COLEC10: variants seen among roughly 807,000 people sequenced by gnomAD.
The protein encoded by COLEC10 is collectin subfamily member 10, also known as collectin-10.
In COLEC10, 22 loss-of-function variants were observed where a neutral mutation model predicts 28.4. The ratio of observed to expected loss-of-function variants is 0.78; its 90% confidence interval spans 0.55 to 1.11. The LOEUF (loss-of-function observed/expected upper bound fraction) is 1.11. Ranked by LOEUF, COLEC10 falls within the 50% of genes least tolerant of loss-of-function variation. The probability of loss-of-function intolerance (pLI) is 0.00; values close to 1 mark genes in which losing one functional copy is unlikely to be tolerated. For synonymous variants in COLEC10, 125 were observed against 116.1 expected (o/e 1.08, Z -0.49); for missense variants, 361 against 344.1 (o/e 1.05, Z -0.39).
chr8:119,028,972 AAATGT>A (rs1325265338), intron 2 of COLEC10, among the ~76,000 whole-genome samples: 1 of 152,186 alleles, frequency 6.6e-6, no homozygotes, highest in Non-Finnish European at 1.5e-5. Context: ...GAATAAAGGG[AAATGT>A]GGCTCCAGCT....
chr8:118,989,961 G>A, the COLEC10 span, among the ~76,000 whole-genome samples: 2 of 152,036 alleles, frequency 1.3e-5, no homozygotes, highest in Non-Finnish European at 2.9e-5. Context: ...AAAAGTTTTG[G>A]ATTTTGGAGC....
rs1449877650 is a variant in COLEC10 at position 119,108,426 on chromosome 8, T to G, written c.*2235T>G. Reference sequence around the variant, plus strand: ...CTGTTAGTGCTATTATTATTTACTGTGAATGTTATAATAATAGTTCTCTCA... The same window carrying G: ...CTGTTAGTGCTATTATTATTTACTGGGAATGTTATAATAATAGTTCTCTCA... On this transcript the variant is annotated 3_prime_UTR_variant, in exon 6 of 6. Transcript: ENST00000332843. 1.3e-5 allele frequency among the ~76,000 whole-genome samples: 2 copies of G among 152,188 alleles called. No homozygotes were observed. Among genetic ancestry groups the G allele is most frequent in the Non-Finnish European group, 2.9e-5 (2 of 68,032 alleles).
chr8:118,967,858 A>G, the COLEC10 span, among the ~76,000 whole-genome samples: 1 of 152,020 alleles, frequency 6.6e-6, no homozygotes, highest in Non-Finnish European at 1.5e-5. Context: ...CTTTAATGGC[A>G]TTAGTAAAAC....
chr8:119,030,835 T>C (rs939515036), intron 2 of COLEC10, among the ~76,000 whole-genome samples: 4 of 152,206 alleles, frequency 2.6e-5, no homozygotes, highest in Non-Finnish European at 5.9e-5. Context: ...CCCCTTAAAA[T>C]TCTGAGATAT....
Position 119,102,094 on chromosome 8 carries a change from G to C in COLEC10, c.293-254G>C, listed in dbSNP as rs143283392. On this transcript the variant is annotated intron_variant, in intron 3 of 5. Coordinates refer to ENST00000332843, the MANE Select transcript of COLEC10 (RefSeq NM_006438.5). ...ATGACTCATTTAATTAGTTGCACCT[G>C]TGTAGCCAATTGAAAATCACATTAT... 0.012 allele frequency among the ~76,000 whole-genome samples: 1,763 copies of C among 152,188 alleles called. 14 individuals are homozygous for C. The highest frequency in any genetic ancestry group is 0.017 in the Non-Finnish European group (1,134 of 68,002).
At chr8:119,097,013 A>C (rs1815732469) in intron 3 of COLEC10, among the ~76,000 whole-genome samples, 1 of 152,144 alleles carries the variant, frequency 6.6e-6, no homozygotes, top group African/African-American at 2.4e-5. Flanking sequence ...TATTCTATAC[A>C]GAAAAAAACT....
intron 2 of COLEC10, among the ~76,000 whole-genome samples, chr8:119,040,269 A>T (rs945211714): frequency 5.3e-5 from 8 of 152,182 alleles, no homozygotes; most frequent in Admixed American, 5.2e-4. Context: ...TACGACTTTA[A>T]TTTGAGTCTT....
At chr8:119,067,520 T>G in intron 1 of COLEC10, 91 bp downstream of exon 1, 13 of 1,201,626 alleles carry the variant, frequency 1.1e-5, no homozygotes, top group South Asian at 1.5e-5. Context: ...TGACTTTCTC[T>G]TCTCTCCTCC....
chr8:119,074,942 G>T lies in COLEC10; in HGVS notation c.148+7513G>T, dbSNP rs534333847. ...AATAGTGTGACTTCTTCATAGGGAT[G>T]TGGTGAGGAAAAATGAGTTAAGCCG... is the stretch of plus-strand genomic sequence containing the variant. On this transcript the variant is annotated intron_variant, in intron 1 of 5. Transcript: ENST00000332843. Among the ~76,000 whole-genome samples, 49 of 152,308 alleles carry T rather than the reference G, an allele frequency of 3.2e-4. No homozygotes were observed. The South Asian group carries it at 0.01, about 32-fold the overall frequency.
intron 1 of COLEC10, among the ~76,000 whole-genome samples, chr8:118,997,421 TAGA>T (rs1374878528): frequency 6.6e-6 from 1 of 152,228 alleles, no homozygotes. Flanking sequence ...TGTTTTTTCA[TAGA>T]AGTTCTAAAG....
the COLEC10 span, among the ~76,000 whole-genome samples, chr8:118,957,741 A>C: frequency 6.6e-6 from 1 of 152,216 alleles, no homozygotes; most frequent in Non-Finnish European, 1.5e-5. Context: ...CTTAGAGTAC[A>C]TTAAGAATGA....
intron 3 of COLEC10, among the ~76,000 whole-genome samples, chr8:119,096,528 T>C (rs1815721617): frequency 6.6e-6 from 1 of 151,588 alleles, no homozygotes; most frequent in African/African-American, 2.4e-5. Flanking sequence ...GAGGCGGAGA[T>C]TGCAGTGAGC....
At chr8:118,966,878 A>G in the COLEC10 span, among the ~76,000 whole-genome samples, 1 of 152,104 alleles carries the variant, frequency 6.6e-6, no homozygotes, top group African/African-American at 2.4e-5. Flanking sequence ...TTCTAATTTC[A>G]TAGCATCTGC....
chr8:119,092,700 G>A (rs1162396527), intron 3 of COLEC10, among the ~76,000 whole-genome samples: 1 of 152,100 alleles, frequency 6.6e-6, no homozygotes, highest in Non-Finnish European at 1.5e-5. Context: ...GAGGTCAGGA[G>A]TTTGAGACAA....
At chr8:119,047,875 T>C (rs2130169218) in intron 2 of COLEC10, among the ~76,000 whole-genome samples, 1 of 152,318 alleles carries the variant, frequency 6.6e-6, no homozygotes, top group African/African-American at 2.4e-5. Flanking sequence ...TATGCTACTG[T>C]AGAATAAGAA....
intron 1 of COLEC10, among the ~76,000 whole-genome samples, chr8:119,004,815 C>G (rs971607727): frequency 1.3e-5 from 2 of 151,760 alleles, no homozygotes; most frequent in African/African-American, 4.8e-5. Context: ...AAACTCAAAC[C>G]CAGGCCATTG....
chr8:118,975,607 G>C, the COLEC10 span, among the ~76,000 whole-genome samples: 1 of 152,026 alleles, frequency 6.6e-6, no homozygotes, highest in African/African-American at 2.4e-5. Context: ...TAACTGGTAA[G>C]GTCTCCTGGG....
chr8:119,049,367 C>A (rs1198770742), intron 2 of COLEC10, among the ~76,000 whole-genome samples: 2 of 147,388 alleles, frequency 1.4e-5, no homozygotes, highest in Admixed American at 1.4e-4. Context: ...GTAGGTTCAC[C>A]TAAATTCCTG....
At chr8:119,094,825 A>G (rs1383058453) in intron 3 of COLEC10, among the ~76,000 whole-genome samples, 1 of 152,212 alleles carries the variant, frequency 6.6e-6, no homozygotes, top group Admixed American at 6.5e-5. Context: ...CTGTTAGCAA[A>G]TTAGAAATAG....
Sources: gnomAD v4.1 joint callset for allele counts (sites outside exome capture counted in the v4.1 genomes callset) on GRCh38, gnomAD v4.1.1 for gene constraint, MANE v1.5 for transcripts, NCBI Gene and HGNC (gene_info 2026-07-23, HGNC 2026-07-21) for gene names.